Variants in NSL1 observed in about 807,000 individuals in gnomAD.
NSL1 encodes kinetochore-associated protein NSL1 homolog.
Under a neutral mutation model 25.4 loss-of-function variants are expected in NSL1, and 11 were observed. The observed-to-expected ratio is 0.43, with a 90% CI of 0.27 to 0.72. NSL1 has a LOEUF of 0.72. Ranked by LOEUF, NSL1 falls within the 30% of genes least tolerant of loss-of-function variation. NSL1 has a pLI of 0.19. For missense variants in NSL1, 330 were observed against 342.7 expected (o/e 0.96, Z 0.29); for synonymous variants, 118 against 120.6 (o/e 0.98, Z 0.14).
chr1:212,770,362 G>C (rs2102381634), intron 4 of NSL1, among the ~76,000 whole-genome samples: 1 of 152,106 alleles, frequency 6.6e-6, no homozygotes, highest in South Asian at 2.1e-4. Context: ...AAATATAAAT[G>C]ATCATCAGAG....
intron 2 of NSL1, among the ~76,000 whole-genome samples, chr1:212,784,845 T>C (rs1327611703): frequency 1.3e-5 from 2 of 151,998 alleles, no homozygotes; most frequent in Admixed American, 1.3e-4. Context: ...CACAGAACAA[T>C]GGAAAACTGA....
chr1:212,741,361 T>G (rs1366883374), intron 4 of NSL1, among the ~76,000 whole-genome samples: 1 of 152,186 alleles, frequency 6.6e-6, no homozygotes. Context: ...GCTTATGATA[T>G]GGTTTGGATC....
intron 2 of NSL1, among the ~76,000 whole-genome samples, chr1:212,786,444 G>C (rs962013485): frequency 3.3e-5 from 5 of 151,142 alleles, no homozygotes; most frequent in Non-Finnish European, 2.9e-5. Flanking sequence ...AAGTCTCCCA[G>C]GTAAATCTTT....
intron 4 of NSL1, among the ~76,000 whole-genome samples, chr1:212,761,971 TAAAAAAAA>T (rs34216305): frequency 1.9e-5 from 2 of 105,694 alleles, no homozygotes; most frequent in African/African-American, 3.6e-5. Flanking sequence ...GCTGATGAGC[TAAAAAAAA>T]AAAAAAAAAA....
In NSL1 at chr1:212,732,107, C is replaced by T. The variant is rs369838028; in HGVS notation, c.*6301G>A. On this transcript the variant is annotated 3_prime_UTR_variant, in exon 6 of 6. Coordinates refer to ENST00000366977, the MANE Select transcript of NSL1 (RefSeq NM_015471.4). ...TATATAAATATTGTTCACTGGAGAA[C>T]TAATTTGTAACCATGATTACATTTC... 7.4e-4 allele frequency: 725 copies of T among 980,634 alleles called. 6 individuals are homozygous for T. The South Asian group carries it at 0.028, about 38-fold the overall frequency. 60.7% of individuals were successfully genotyped at this position (980,634 alleles called of 1,614,324 possible).
chr1:212,738,459 G>A lies in NSL1; in HGVS notation c.795C>T (p.Pro265=). The change falls in exon 6 of 6, where the codon CCC becomes CCT. Residue 265 remains proline, a synonymous_variant. Transcript: ENST00000366977. ...VLKRKQTKDC[P]QRKWYPLRPK... is the part of the protein sequence containing the mutation. ...GCCGCAATGGATACCATTTTCTCTG[G>A]GGGCAGTCTTTAGTTTGCTTTCTTT... The A allele has an allele frequency of 6.2e-7, 1 of 1,613,866 alleles. No individual in the cohort carries two copies. The highest frequency in any genetic ancestry group is 1.1e-5 in the South Asian group (1 of 91,062).
chr1:212,754,754 A>G (rs991603400), intron 4 of NSL1, among the ~76,000 whole-genome samples: 7 of 88,692 alleles, frequency 7.9e-5, no homozygotes, highest in South Asian at 4.0e-4. Context: ...GGGCAACAAG[A>G]GTAAAATTCT....
chr1:212,754,723 G>A (rs1445892010), intron 4 of NSL1, among the ~76,000 whole-genome samples: 1 of 128,182 alleles, frequency 7.8e-6, no homozygotes, highest in African/African-American at 3.0e-5. Context: ...GTTGCAGTGA[G>A]CAACCATTAC....
intron 4 of NSL1, among the ~76,000 whole-genome samples, chr1:212,774,284 GT>G (rs1321833781): frequency 6.6e-6 from 1 of 152,008 alleles, no homozygotes; most frequent in African/African-American, 2.4e-5. Flanking sequence ...AATATTTAAG[GT>G]AATGGATATC....
intron 4 of NSL1, among the ~76,000 whole-genome samples, chr1:212,754,332 C>T (rs543422245): frequency 1.3e-5 from 2 of 152,038 alleles, no homozygotes; most frequent in African/African-American, 4.8e-5. Context: ...GCAGGCCTAC[C>T]GGTAAGCAGA....
intron 4 of NSL1, among the ~76,000 whole-genome samples, chr1:212,780,775 A>G (rs577538854): frequency 6.6e-6 from 1 of 152,220 alleles, no homozygotes; most frequent in Non-Finnish European, 1.5e-5. Flanking sequence ...AATTTATAAT[A>G]GGGTTATTAT....
Position 212,741,603 on chromosome 1 carries a change from A to G in NSL1, c.500-2002T>C, listed in dbSNP as rs144140404. 7.2e-5 allele frequency among the ~76,000 whole-genome samples: 11 copies of G among 152,256 alleles called. No individual in the cohort carries two copies. The East Asian group carries it at 1.5e-3, about 21-fold the overall frequency. On this transcript the variant is annotated intron_variant, in intron 4 of 5. Transcript: ENST00000366977. ...TCTTCCTTTGCCTTCTGCCATGACT[A>G]TAAGTTTCCTGAGGCCTCCCAAGAA... is the stretch of plus-strand genomic sequence containing the variant.
intron 4 of NSL1, among the ~76,000 whole-genome samples, chr1:212,769,443 G>T (rs1468505170): frequency 6.6e-6 from 1 of 152,076 alleles, no homozygotes; most frequent in African/African-American, 2.4e-5. Flanking sequence ...TTACAGGCCA[G>T]GAGAGAATGC....
In NSL1 at chr1:212,738,164, T is replaced by C. The variant is rs1266234975; in HGVS notation, c.*244A>G. On this transcript the variant is annotated 3_prime_UTR_variant, in exon 6 of 6. Transcript: ENST00000366977. ...TAAAAGTCTGCACTTTTAATATTTT[T>C]AATGCCCACTGATGGGCTTTGTGTC... is the stretch of plus-strand genomic sequence containing the variant. The C allele has an allele frequency of 6.7e-6, 8 of 1,190,270 alleles. No homozygotes were observed. Among genetic ancestry groups the C allele is most frequent in the Non-Finnish European group, 8.3e-6 (8 of 960,220 alleles). The allele number at this position is 1,190,270 out of a possible 1,614,324, so 73.7% of individuals were successfully genotyped here. A position where few individuals can be genotyped will look rare whatever the true frequency, so the allele number is the denominator to read the frequency against.
chr1:212,736,377 A>C lies in NSL1; in HGVS notation c.*2031T>G. On this transcript the variant is annotated 3_prime_UTR_variant, in exon 6 of 6. Transcript: ENST00000366977. ...ACCCTATTCAATCCAGACTCTTTTT[A>C]TCATAGAGCAAGATTTGATTTTCAA... 2 of 985,252 alleles carry C rather than the reference A, an allele frequency of 2.0e-6. No individual in the cohort carries two copies. The highest frequency in any genetic ancestry group is 2.4e-6 in the Non-Finnish European group (2 of 829,792). The allele number at this position is 985,252 out of a possible 1,614,324, so 61.0% of individuals were successfully genotyped here.
At chr1:212,772,962 T>C (rs955718667) in intron 4 of NSL1, among the ~76,000 whole-genome samples, 13 of 152,156 alleles carry the variant, frequency 8.5e-5, no homozygotes, top group African/African-American at 3.1e-4. Context: ...CCCTCTTCAA[T>C]AAATGGTGCT....
intron 4 of NSL1, among the ~76,000 whole-genome samples, chr1:212,767,021 G>A (rs934441206): frequency 1.3e-5 from 2 of 152,110 alleles, no homozygotes; most frequent in African/African-American, 2.4e-5. Context: ...ACTGCCAGAC[G>A]CAATCTACAA....
intron 4 of NSL1, among the ~76,000 whole-genome samples, chr1:212,744,309 AC>A (rs1287398340): frequency 4.6e-5 from 7 of 152,240 alleles, no homozygotes; most frequent in African/African-American, 1.7e-4. Flanking sequence ...ACTACAAACA[AC>A]AAAAAACATG....
At position 212,732,663 on chromosome 1, in the gene NSL1, C is replaced by T. The variant is rs139217512; in HGVS notation, c.*5745G>A. ...CTGATTAGTTAGTAGCCTGTAGACT[C>T]GAGTGTGCTGTGTTTTGGGAGCCTT... is the stretch of plus-strand genomic sequence containing the variant. On this transcript the variant is annotated 3_prime_UTR_variant, in exon 6 of 6. Coordinates refer to ENST00000366977, the MANE Select transcript of NSL1 (RefSeq NM_015471.4). 2.4e-5 allele frequency: 24 copies of T among 985,324 alleles called. No individual in the cohort carries two copies. In the South Asian group the frequency reaches 5.2e-4, roughly 21 times the overall value. The allele number at this position is 985,324 out of a possible 1,614,324, so 61.0% of individuals were successfully genotyped here.
Sources: gnomAD v4.1 joint callset for allele counts (sites outside exome capture counted in the v4.1 genomes callset) on GRCh38, gnomAD v4.1.1 for gene constraint, MANE v1.5 for transcripts, NCBI Gene and HGNC (gene_info 2026-07-23, HGNC 2026-07-21) for gene names.